The following EPM2A variants were observed in gnomAD, a reference collection of about 807,000 sequenced individuals.
EPM2A encodes laforin.
EPM2A carries 21 observed loss-of-function variants against 26.5 expected under a neutral mutation model. The ratio of observed to expected loss-of-function variants is 0.79; its 90% CI spans 0.56 to 1.14. EPM2A has a LOEUF of 1.14. Ranked by LOEUF, EPM2A falls within the 50% of genes most tolerant of loss-of-function variation. The pLI is 0.00. For synonymous variants in EPM2A, 217 were observed against 177.6 expected, an observed-to-expected ratio of 1.22 and a Z score of -1.76; for missense variants, 458 against 440.8, an observed-to-expected ratio of 1.04 and a Z score of -0.35.
chr6:145,684,348 G>A (rs1046249244), intron 2 of EPM2A, among the ~76,000 whole-genome samples: 14 of 152,108 alleles, frequency 9.2e-5, no homozygotes, highest in African/African-American at 2.9e-4. Flanking sequence ...AATCTCCAGA[G>A]CCCAAGATAT....
intron 1 of EPM2A, among the ~76,000 whole-genome samples, chr6:145,699,079 C>A (rs1562500512): frequency 6.6e-6 from 1 of 152,098 alleles, no homozygotes; most frequent in Non-Finnish European, 1.5e-5. Flanking sequence ...CTCATATATG[C>A]AAAATATTCC....
chr6:145,490,650 G>T, intron 4 of EPM2A: 1 of 629,710 alleles, frequency 1.6e-6, no homozygotes, highest in South Asian at 1.4e-5. Context: ...TTTCACACTT[G>T]AAACTCTCAG....
chr6:145,551,440 G>C (rs1030518694), intron 2 of EPM2A, among the ~76,000 whole-genome samples: 1 of 151,852 alleles, frequency 6.6e-6, no homozygotes, highest in African/African-American at 2.4e-5. Context: ...CTAGTAAAAG[G>C]TTCCTTTAAA....
intron 2 of EPM2A, among the ~76,000 whole-genome samples, chr6:145,547,841 T>G (rs1780605566): frequency 6.6e-6 from 1 of 152,120 alleles, no homozygotes; most frequent in Admixed American, 6.6e-5. Flanking sequence ...GACACTACCT[T>G]GGGTCATCAA....
chr6:145,681,147 G>A (rs895740050), intron 2 of EPM2A, among the ~76,000 whole-genome samples: 1 of 152,040 alleles, frequency 6.6e-6, no homozygotes, highest in Non-Finnish European at 1.5e-5. Context: ...GGCCAGTGAT[G>A]ATGAGCATTT....
intron 4 of EPM2A, among the ~76,000 whole-genome samples, chr6:145,452,325 C>T (rs530663155): frequency 6.6e-6 from 1 of 152,016 alleles, no homozygotes; most frequent in Admixed American, 6.6e-5. Context: ...CTTTTCAGTT[C>T]TGTATTTTTA....
chr6:145,599,552 C>T (rs1430458115), intron 2 of EPM2A, among the ~76,000 whole-genome samples: 6 of 151,864 alleles, frequency 4.0e-5, no homozygotes, highest in African/African-American at 1.4e-4. Context: ...ATAGCATTCT[C>T]TTCTTTTTGG....
intron 4 of EPM2A, among the ~76,000 whole-genome samples, chr6:145,459,115 A>G (rs1779297137): frequency 6.6e-6 from 1 of 152,192 alleles, no homozygotes; most frequent in Non-Finnish European, 1.5e-5. Context: ...GACTATTGCA[A>G]TAGAGGAGAC....
chr6:145,596,669 T>G (rs1781347088), intron 2 of EPM2A, among the ~76,000 whole-genome samples: 1 of 151,966 alleles, frequency 6.6e-6, no homozygotes, highest in Admixed American at 6.6e-5. Flanking sequence ...TTCCTACACC[T>G]CCCACATTTT....
chr6:145,386,391 T>C (rs1778262299), intron 4 of EPM2A, among the ~76,000 whole-genome samples: 1 of 151,952 alleles, frequency 6.6e-6, no homozygotes, highest in South Asian at 2.1e-4. Flanking sequence ...CACCCGAGAG[T>C]TATCGAAATC....
intron 1 of EPM2A, among the ~76,000 whole-genome samples, chr6:145,729,489 G>A (rs978853277): frequency 6.6e-6 from 1 of 152,206 alleles, no homozygotes; most frequent in African/African-American, 2.4e-5. Flanking sequence ...GTGAGACATG[G>A]AGTCAAAAGA....
chr6:145,727,950 G>A (rs1776294683), intron 1 of EPM2A, among the ~76,000 whole-genome samples: 1 of 152,146 alleles, frequency 6.6e-6, no homozygotes. Context: ...CTTCCTCCTT[G>A]CTGTTCTTGT....
chr6:145,697,093 G>A (rs1781635640), intron 1 of EPM2A, among the ~76,000 whole-genome samples: 1 of 151,960 alleles, frequency 6.6e-6, no homozygotes, highest in South Asian at 2.1e-4. Context: ...GCCAGATATT[G>A]GGCAAAATTC....
intron 4 of EPM2A, among the ~76,000 whole-genome samples, chr6:145,495,813 G>T (rs1779810386): frequency 6.6e-6 from 1 of 152,158 alleles, no homozygotes; most frequent in Admixed American, 6.5e-5. Context: ...CTGACCTCGT[G>T]ATCTGCCCAC....
At chr6:145,496,728 A>ATGTTTTTTTTTTTTTTTTTTTTTTTT (rs779194973), downstream of EPM2A, among the ~76,000 whole-genome samples, 2 of 106,908 alleles carry the variant, frequency 1.9e-5, 1 homozygote, top group Non-Finnish European at 3.9e-5. Context: ...AGTTCCTGCA[A>ATGTTTTTTTTTTTTTTTTTTTTTTTT]TTTTTTTTTT....
chr6:145,662,697 G>T (rs142090983), intron 2 of EPM2A, among the ~76,000 whole-genome samples: 197 of 152,274 alleles, frequency 1.3e-3, no homozygotes, highest in African/African-American at 4.5e-3. Context: ...CTATCCACAG[G>T]ATTCTCACTA....
intron 4 of EPM2A, among the ~76,000 whole-genome samples, chr6:145,470,848 A>G (rs1218461910): frequency 6.6e-6 from 1 of 152,176 alleles, no homozygotes; most frequent in Non-Finnish European, 1.5e-5. Flanking sequence ...TCATAAAATA[A>G]TACTATATAA....
intron 1 of EPM2A, among the ~76,000 whole-genome samples, chr6:145,718,703 A>G (rs1368597949): frequency 6.6e-6 from 1 of 152,206 alleles, no homozygotes; most frequent in Admixed American, 6.5e-5. Flanking sequence ...ATGGGAGAAA[A>G]TTTTCGCAAC....
chr6:145,474,264 C>T (rs188949872), intron 4 of EPM2A, among the ~76,000 whole-genome samples: 24 of 152,114 alleles, frequency 1.6e-4, no homozygotes, highest in African/African-American at 4.6e-4. Context: ...GAGTTTGAGA[C>T]GAGTCTAACC....
Sources: gnomAD v4.1 joint callset for allele counts (sites outside exome capture counted in the v4.1 genomes callset) on GRCh38, gnomAD v4.1.1 for gene constraint, MANE v1.5 for transcripts, NCBI Gene and HGNC (gene_info 2026-07-23, HGNC 2026-07-21) for gene names.